ZNF320: variants seen among roughly 807,000 people sequenced by gnomAD.
The protein encoded by ZNF320 is zinc finger gene 320.
ZNF320 carries 2 observed loss-of-function variants against 6.8 expected under a neutral mutation model. That is an observed-to-expected ratio of 0.29 (90% CI 0.12 to 0.93). The LOEUF (loss-of-function observed/expected upper bound fraction) is 0.93. Among genes scored for constraint, ZNF320 ranks in the 40% least tolerant of loss-of-function variants. The pLI is 0.55. For missense variants in ZNF320, 472 were observed against 611.0 expected (o/e 0.77, Z 2.40); for synonymous variants, 208 against 203.2 (o/e 1.02, Z -0.20).
chr19:52,895,827 A>G (rs1381329994), intron 1 of ZNF320: 1 of 151,832 alleles, frequency 6.6e-6, no homozygotes, highest in Non-Finnish European at 1.5e-5. Context: ...AGTAAGAAAG[A>G]AAAAAAGAAA....
upstream of ZNF320, among the ~76,000 whole-genome samples, chr19:52,899,532 A>G (rs916658332): frequency 6.6e-6 from 1 of 152,046 alleles, no homozygotes; most frequent in African/African-American, 2.4e-5. Flanking sequence ...GTGCAGTCTC[A>G]GCTCACTGCA....
chr19:52,899,677 G>A (rs2064565044), upstream of ZNF320, among the ~76,000 whole-genome samples: 1 of 152,082 alleles, frequency 6.6e-6, no homozygotes, highest in South Asian at 2.1e-4. Context: ...TAGCCAGGAT[G>A]GTCTTGATCT....
intron 5 of ZNF320, among the ~76,000 whole-genome samples, chr19:52,884,132 C>G (rs1030722913): frequency 1.3e-5 from 2 of 152,156 alleles, no homozygotes; most frequent in African/African-American, 4.8e-5. Flanking sequence ...CGTGAAGAAG[C>G]CTCTCACCAG....
downstream of ZNF320, among the ~76,000 whole-genome samples, chr19:52,875,904 A>T (rs1430964356): frequency 1.3e-5 from 2 of 152,246 alleles, no homozygotes. Context: ...CAGAAAAATC[A>T]TAGTAATATC....
chr19:52,896,805 G>C (rs1481376794), intron 1 of ZNF320, among the ~76,000 whole-genome samples: 1 of 152,272 alleles, frequency 6.6e-6, no homozygotes, highest in East Asian at 1.9e-4. Flanking sequence ...TAGACAAAAA[G>C]GAAAAACCCC....
At position 52,881,739 on chromosome 19, in the gene ZNF320, C is replaced by A; in HGVS notation, c.387G>T (p.Arg129Ser). ...CTTTAATAGGCTTGTTTCCAGCATG[C>A]CTTTGATCATATCGGTCTGTACTAC... is the stretch of plus-strand genomic sequence containing the variant. The part of the protein sequence containing the change: ...LTSSTDRYDQ[R>S]HAGNKPIKGQ... Residue 129 changes from arginine to serine, a missense_variant, in exon 6 of 6, where the codon AGG becomes AGT. By Grantham distance (110) the Arg-to-Ser change is moderately radical (BLOSUM62 -1). Around this residue, in one of 2 missense-constraint regions of ZNF320, gnomAD observed 462 missense variants for 559.7 expected, o/e 0.83. Coordinates refer to ENST00000682928, the MANE Select transcript of ZNF320 (RefSeq NM_001351774.2). The A allele has an allele frequency of 6.2e-7, 1 of 1,613,962 alleles. No individual in the cohort carries two copies.
Position 52,868,531 on chromosome 19 carries a change from A to T in ZNF320, c.224-4372T>A, listed in dbSNP as rs555272491. 3.9e-5 allele frequency among the ~76,000 whole-genome samples: 6 copies of T among 152,184 alleles called. No individual in the cohort carries two copies. The South Asian group carries it at 1.2e-3, about 32-fold the overall frequency. ...AAAAAAAAAAAAAATCTGGAGGCAA[A>T]TTAACATTATTTCTCAAATAAGTTC... On this transcript the variant is annotated intron_variant, in intron 5 of 5. Transcript: ENST00000673631.
intron 5 of ZNF320, among the ~76,000 whole-genome samples, chr19:52,886,817 C>T (rs2064093811): frequency 6.6e-6 from 1 of 151,998 alleles, no homozygotes. Context: ...CGCCTGCAGT[C>T]CCAGCCTCCA....
At position 52,866,787 on chromosome 19, in the gene ZNF320, T is replaced by C. The variant is rs188850236; in HGVS notation, c.224-2628A>G. The stretch of plus-strand genomic sequence containing the variant: ...CAGTTGGCCGAGGCTAGAAAATCAT[T>C]TGAACCCATGAAGCAGAGGTTGCAA... On this transcript the variant is annotated intron_variant, in intron 5 of 5. Transcript: ENST00000673631. Among the ~76,000 whole-genome samples the C allele has an allele frequency of 5.2e-4, 78 of 150,918 alleles. 1 individual carries two copies. The highest frequency in any genetic ancestry group is 1.6e-3 in the African/African-American group (67 of 40,992).
At chr19:52,894,085 T>C (rs968809733) in intron 1 of ZNF320, 1 of 151,956 alleles carries the variant, frequency 6.6e-6, no homozygotes, top group African/African-American at 2.4e-5. Context: ...ATTATGTAAA[T>C]TAAAAACTAG....
downstream of ZNF320, among the ~76,000 whole-genome samples, chr19:52,871,406 C>A (rs1466970324): frequency 2.0e-5 from 3 of 152,104 alleles, no homozygotes; most frequent in Non-Finnish European, 4.4e-5. Flanking sequence ...ATGGTCCTAG[C>A]TACTTGGGAG....
chr19:52,885,978 C>G (rs936914679), intron 5 of ZNF320, among the ~76,000 whole-genome samples: 8 of 151,934 alleles, frequency 5.3e-5, no homozygotes, highest in Non-Finnish European at 1.0e-4. Flanking sequence ...TTCTTCATAA[C>G]TAAACTTTTT....
At chr19:52,882,102 C>A in intron 5 of ZNF320, 119 bp from the exon 6 acceptor site, 2 of 1,042,114 alleles carry the variant, frequency 1.9e-6, no homozygotes, top group Non-Finnish European at 2.7e-6. Flanking sequence ...ACATGAGCTT[C>A]AAAGTTTAGG....
At chr19:52,869,779 G>A (rs533874915) in intron 5 of ZNF320, among the ~76,000 whole-genome samples, 5 of 151,976 alleles carry the variant, frequency 3.3e-5, no homozygotes, top group South Asian at 4.2e-4. Flanking sequence ...GCAATGGTGC[G>A]ATCTCGGCAC....
chr19:52,885,420 A>G (rs890273208), intron 5 of ZNF320, among the ~76,000 whole-genome samples: 5 of 152,020 alleles, frequency 3.3e-5, no homozygotes, highest in Admixed American at 1.3e-4. Flanking sequence ...TGTCTCTACC[A>G]AAAATACAAA....
At chr19:52,865,594 T>C (rs2063539193) in intron 5 of ZNF320, among the ~76,000 whole-genome samples, 1 of 129,644 alleles carries the variant, frequency 7.7e-6, no homozygotes, top group Non-Finnish European at 1.5e-5. Flanking sequence ...ATTATACATA[T>C]ATTTATATAT....
At position 52,867,957 on chromosome 19, in the gene ZNF320, C is replaced by T. The variant is rs144324438; in HGVS notation, c.224-3798G>A. Among the ~76,000 whole-genome samples the T allele has an allele frequency of 5.3e-3, 803 of 152,156 alleles. 9 individuals are homozygous for T. Among genetic ancestry groups the T allele is most frequent in the African/African-American group, 0.017 (686 of 41,518 alleles). ...TCAAGGATTCAGCATGTTGGACTGACTGGTCTCAAACTCCTCACCTCAAGC... is the reference window on the plus strand; with the variant it reads ...TCAAGGATTCAGCATGTTGGACTGATTGGTCTCAAACTCCTCACCTCAAGC... On this transcript the variant is annotated intron_variant, in intron 5 of 5. Coordinates refer to the ZNF320 transcript ENST00000673631.
chr19:52,896,961 C>T (rs528828606), intron 1 of ZNF320, among the ~76,000 whole-genome samples: 1 of 152,370 alleles, frequency 6.6e-6, no homozygotes, highest in East Asian at 1.9e-4. Flanking sequence ...CACCCATCTG[C>T]TCCGGCCTCG....
In ZNF320 at chr19:52,886,191, A is replaced by G. The variant is rs538322648; in HGVS notation, c.142+1936T>C. Reference sequence around the variant, plus strand: ...ACTCTGTCTCCCAGGCTGGAGTGCAATGGTGCGATCTTGGCTCACTGCAAC... The same window carrying G: ...ACTCTGTCTCCCAGGCTGGAGTGCAGTGGTGCGATCTTGGCTCACTGCAAC... On this transcript the variant is annotated intron_variant, in intron 5 of 5. Transcript: ENST00000682928. Among the ~76,000 whole-genome samples, 8 of 151,806 alleles carry G rather than the reference A, an allele frequency of 5.3e-5. No homozygotes were observed. In the South Asian group the frequency reaches 1.7e-3, roughly 32 times the overall value.
Sources: gnomAD v4.1 joint callset for allele counts (sites outside exome capture counted in the v4.1 genomes callset) on GRCh38, gnomAD v4.1.1 for gene constraint, gnomAD v4.1.1 regional missense constraint, MANE v1.5 for transcripts, NCBI Gene and HGNC (gene_info 2026-07-23, HGNC 2026-07-21) for gene names.